ZNF512: variants seen among roughly 807,000 people sequenced by gnomAD.
The protein encoded by ZNF512 is zinc finger protein 512.
ZNF512 carries 25 observed loss-of-function variants against 77.5 expected under a neutral mutation model. The ratio of observed to expected loss-of-function variants is 0.32; its 90% CI spans 0.23 to 0.45. ZNF512 has a LOEUF of 0.45. Ranked by LOEUF, ZNF512 falls within the 20% of genes least tolerant of loss-of-function variation. ZNF512 has a pLI of 1.00. For synonymous variants in ZNF512, 246 were observed against 239.9 expected, an observed-to-expected ratio of 1.03 and a Z score of -0.24; for missense variants, 483 against 692.6, an observed-to-expected ratio of 0.70 and a Z score of 3.40.
Position 27,599,998 on chromosome 2 carries a change from C to CAATCCCA in ZNF512, c.410_416dup (p.Ala140IlefsTer28). On this transcript the variant is annotated frameshift_variant, in exon 5 of 14. Coordinates refer to ENST00000355467, the MANE Select transcript of ZNF512 (RefSeq NM_032434.4). LOFTEE classifies it high-confidence loss of function. ...GGAAGCAACGGCCTAAAACTCAGCC[C>CAATCCCA]AATCCCAAATCCCAGGCCCGTCGTA... 6.2e-7 allele frequency: 1 copy of CAATCCCA among 1,614,182 alleles called. No individual in the cohort carries two copies. The highest frequency in any genetic ancestry group is 8.5e-7 in the Non-Finnish European group (1 of 1,180,010).
intron 2 of ZNF512, among the ~76,000 whole-genome samples, chr2:27,597,477 T>C (rs1454131391): frequency 1.3e-5 from 2 of 152,188 alleles, no homozygotes; most frequent in Non-Finnish European, 2.9e-5. Context: ...GTCTTAGATT[T>C]TGGAATCTGG....
chr2:27,603,794 CATT>C (rs1173479681), intron 9 of ZNF512, among the ~76,000 whole-genome samples: 1 of 151,466 alleles, frequency 6.6e-6, no homozygotes, highest in African/African-American at 2.4e-5. Context: ...ACGGGGGTCT[CATT>C]ATGTAGCACA....
intron 10 of ZNF512, among the ~76,000 whole-genome samples, chr2:27,612,212 C>G (rs1262944386): frequency 6.6e-6 from 1 of 152,098 alleles, no homozygotes. Flanking sequence ...AGCGCTCTTT[C>G]AAGTGGGCTC....
intron 9 of ZNF512, among the ~76,000 whole-genome samples, chr2:27,604,084 G>A (rs998195332): frequency 2.6e-5 from 4 of 151,888 alleles, no homozygotes; most frequent in Middle Eastern, 3.4e-3. Context: ...GTGCCACCAC[G>A]CCCAGCTAAT....
intron 1 of ZNF512, 79 bp downstream of exon 1, chr2:27,583,221 C>T: frequency 6.2e-7 from 1 of 1,601,458 alleles, no homozygotes; most frequent in Non-Finnish European, 8.6e-7. Flanking sequence ...GCTTTTGTCC[C>T]ATGCTGAGTT....
At chr2:27,614,959 G>C (rs552994947) in intron 10 of ZNF512, among the ~76,000 whole-genome samples, 1 of 151,758 alleles carries the variant, frequency 6.6e-6, no homozygotes, top group East Asian at 1.9e-4. Flanking sequence ...CTTGTCCTCT[G>C]TTAAAAATCA....
In ZNF512 at chr2:27,600,812, G is replaced by A. The variant is rs774104420; in HGVS notation, c.579G>A (p.Lys193=). The change falls in exon 6 of 14, where the codon AAG becomes AAA. Residue 193 remains lysine, a synonymous_variant. Transcript: ENST00000355467. ...TAAAGAAACACATGGAAAACTGCAA[G>A]CAGGTTAGATATTTTGGCGTTTCAT... ...EGLKKHMENC[K]QEMFTCHHCG... 2 of 1,609,276 alleles carry A rather than the reference G, an allele frequency of 1.2e-6. No homozygotes were observed. The highest frequency in any genetic ancestry group is 1.7e-6 in the Non-Finnish European group (2 of 1,178,524).
At chr2:27,591,896 G>A (rs1052583516) in intron 2 of ZNF512, among the ~76,000 whole-genome samples, 1 of 152,160 alleles carries the variant, frequency 6.6e-6, no homozygotes, top group African/African-American at 2.4e-5. Context: ...AGAAACCCAT[G>A]GTCATTTAAA....
At chr2:27,613,483 G>A (rs1198050559) in intron 10 of ZNF512, among the ~76,000 whole-genome samples, 4 of 150,198 alleles carry the variant, frequency 2.7e-5, no homozygotes, top group Admixed American at 1.3e-4. Flanking sequence ...GCAACAGAGC[G>A]AGACTCCATC....
intron 2 of ZNF512, among the ~76,000 whole-genome samples, chr2:27,584,547 C>CA (rs1266468553): frequency 2.0e-5 from 3 of 152,004 alleles, no homozygotes; most frequent in Non-Finnish European, 4.4e-5. Context: ...GGGAGATAGG[C>CA]AAGTAGGTCA....
At position 27,593,247 on chromosome 2, in the gene ZNF512, A is replaced by ACACACACAC. The variant is rs1558465774; in HGVS notation, c.90-4820_90-4819insCACACACAC. Among the ~76,000 whole-genome samples, 158 of 137,432 alleles carry ACACACACAC rather than the reference A, an allele frequency of 1.1e-3. 2 individuals carry two copies. Among genetic ancestry groups the ACACACACAC allele is most frequent in the African/African-American group, 4.2e-3 (148 of 34,904 alleles). The allele number at this position is 137,432 out of a possible 152,430, so 90.2% of individuals were successfully genotyped here. Reference sequence around the variant, plus strand: ...ACACACACACACACACACACACACAAAAGAATGAGCTGGGTACCGTGGCAC... The same window carrying ACACACACAC: ...ACACACACACACACACACACACACAACACACACACAAGAATGAGCTGGGTACCGTGGCAC... On this transcript the variant is annotated intron_variant, in intron 2 of 13. Coordinates refer to ENST00000355467, the MANE Select transcript of ZNF512 (RefSeq NM_032434.4).
intron 10 of ZNF512, among the ~76,000 whole-genome samples, chr2:27,610,576 T>A (rs1256618112): frequency 0.033 from 1,214 of 36,608 alleles, 82 homozygotes; most frequent in African/African-American, 0.12. Flanking sequence ...ATATTTTTTT[T>A]TTTTTTTTTT....
intron 10 of ZNF512, among the ~76,000 whole-genome samples, chr2:27,609,782 T>A (rs949779124): frequency 3.3e-5 from 5 of 151,728 alleles, no homozygotes; most frequent in African/African-American, 1.2e-4. Context: ...GGCAGAAGAA[T>A]CGCTTGAACC....
At chr2:27,593,768 ATCTT>A (rs1429947506) in intron 2 of ZNF512, among the ~76,000 whole-genome samples, 28 of 144,262 alleles carry the variant, frequency 1.9e-4, no homozygotes, top group Admixed American at 6.2e-4. Context: ...CTGCCTTAGT[ATCTT>A]TCTTTCTTTC....
At chr2:27,600,958 G>C (rs988505362) in intron 6 of ZNF512, 143 bp downstream of exon 6, 39 of 1,165,946 alleles carry the variant, frequency 3.3e-5, no homozygotes, top group Non-Finnish European at 3.9e-5. Flanking sequence ...ATCTGACAGA[G>C]TTAGGTTTGA....
chr2:27,595,355 C>T (rs1336039876), intron 2 of ZNF512, among the ~76,000 whole-genome samples: 2 of 145,052 alleles, frequency 1.4e-5, no homozygotes, highest in African/African-American at 5.2e-5. Flanking sequence ...GGCTGGAGTG[C>T]AGTGGTGCGA....
At chr2:27,604,236 T>A (rs1046308409) in intron 9 of ZNF512, among the ~76,000 whole-genome samples, 3 of 152,226 alleles carry the variant, frequency 2.0e-5, no homozygotes, top group African/African-American at 7.2e-5. Flanking sequence ...CCCATTGTTA[T>A]ACTTTTAAAA....
chr2:27,599,817 A>G (rs1001261659), intron 4 of ZNF512, 139 bp downstream of exon 4: 2 of 1,134,412 alleles, frequency 1.8e-6, no homozygotes, highest in Non-Finnish European at 2.6e-6. Flanking sequence ...AATGGCCTCC[A>G]TCCTGCCTCA....
At chr2:27,591,935 T>C (rs1377981460) in intron 2 of ZNF512, among the ~76,000 whole-genome samples, 1 of 152,252 alleles carries the variant, frequency 6.6e-6, no homozygotes, top group Non-Finnish European at 1.5e-5. Context: ...TATGTCACTT[T>C]TCTGAAGCTT....
Sources: allele counts gnomAD v4.1 joint callset (sites outside exome capture counted in the v4.1 genomes callset), GRCh38; gene constraint gnomAD v4.1.1; transcripts MANE v1.5; gene names NCBI Gene and HGNC (gene_info 2026-07-23, HGNC 2026-07-21).